WDPCP: variants seen among roughly 807,000 people sequenced by gnomAD.
WDPCP encodes WD repeat containing planar cell polarity effector.
A neutral mutation model predicts 93.1 loss-of-function variants in WDPCP; 71 were observed. That is an observed-to-expected ratio of 0.76 (90% CI 0.63 to 0.93). WDPCP has a LOEUF of 0.93. WDPCP is among the 40% of genes least tolerant of loss of function. The pLI is 0.00. For missense variants in WDPCP, 844 were observed against 887.4 expected (o/e 0.95, Z 0.62); for synonymous variants, 315 against 315.0 (o/e 1.00, Z 0.00).
chr2:63,408,695 T>C (rs1320354178), intron 9 of WDPCP, among the ~76,000 whole-genome samples: 4 of 152,142 alleles, frequency 2.6e-5, no homozygotes, highest in Non-Finnish European at 5.9e-5. Context: ...GAAACAGACT[T>C]GGGACTGTTG....
At chr2:63,776,074 T>TATACATAC (rs59262674) in intron 2 of WDPCP, among the ~76,000 whole-genome samples, 4,272 of 146,882 alleles carry the variant, frequency 0.029, 87 homozygotes, top group Non-Finnish European at 0.043. Context: ...TAAATACACA[T>TATACATAC]ATACATACAT....
intron 1 of WDPCP, among the ~76,000 whole-genome samples, chr2:63,563,108 G>C (rs187819113): frequency 2.0e-5 from 3 of 152,178 alleles, no homozygotes; most frequent in African/African-American, 7.2e-5. Flanking sequence ...ATGACTGAAA[G>C]GATTGCATTT....
chr2:63,238,533 T>C (rs1316466198), intron 14 of WDPCP, among the ~76,000 whole-genome samples: 2 of 152,188 alleles, frequency 1.3e-5, no homozygotes. Context: ...GTATTTCCAA[T>C]GAAAATTTAA....
chr2:63,321,692 A>G (rs1687107261), intron 12 of WDPCP, among the ~76,000 whole-genome samples: 1 of 152,158 alleles, frequency 6.6e-6, no homozygotes, highest in Non-Finnish European at 1.5e-5. Context: ...AATCTGTGGC[A>G]TAATTCTGTC....
chr2:63,717,526 A>T (rs1669356636), intron 2 of WDPCP: 3 of 474,168 alleles, frequency 6.3e-6, no homozygotes, highest in Non-Finnish European at 1.2e-5. Context: ...CAAACTCAGG[A>T]CAGGTTGTCC....
intron 14 of WDPCP, among the ~76,000 whole-genome samples, chr2:63,227,255 C>T (rs1308926762): frequency 6.6e-6 from 1 of 151,868 alleles, no homozygotes; most frequent in Non-Finnish European, 1.5e-5. Context: ...GTAGAAGTTT[C>T]CATTTCATAA....
intron 2 of WDPCP, among the ~76,000 whole-genome samples, chr2:63,678,896 G>A (rs940119465): frequency 3.3e-5 from 5 of 152,262 alleles, no homozygotes; most frequent in East Asian, 1.9e-4. Context: ...GGTGGTGGCC[G>A]GAGCTACCTG....
At chr2:63,381,741 G>T (rs947157263) in intron 11 of WDPCP, among the ~76,000 whole-genome samples, 165 bp downstream of exon 11, 2 of 152,058 alleles carry the variant, frequency 1.3e-5, no homozygotes, top group African/African-American at 2.4e-5. Flanking sequence ...GTACTATATG[G>T]GAGCAATTAT....
chr2:63,758,927 A>G (rs1005138691), intron 2 of WDPCP, among the ~76,000 whole-genome samples: 4 of 151,878 alleles, frequency 2.6e-5, no homozygotes, highest in Non-Finnish European at 1.5e-5. Flanking sequence ...ACAGGTGTGC[A>G]CCACCATGCT....
At position 63,313,266 on chromosome 2, in the gene WDPCP, A is replaced by ACCAACGT; in HGVS notation, c.1787_1793dup (p.Ala599ArgfsTer5). ...GACTCACCATAAAGAGGTCACGAGC[A>ACCAACGT]CCAACGTCAACAGCTAGGAGAAATG... On this transcript the variant is annotated frameshift_variant, in exon 13 of 18. Coordinates refer to ENST00000272321, the MANE Select transcript of WDPCP (RefSeq NM_015910.7). LOFTEE classifies it high-confidence loss of function. 1 of 1,613,812 alleles carries ACCAACGT rather than the reference A, an allele frequency of 6.2e-7. No homozygotes were observed. The highest frequency in any genetic ancestry group is 8.5e-7 in the Non-Finnish European group (1 of 1,179,770).
At chr2:63,197,293 C>T (rs1424520073) in intron 14 of WDPCP, among the ~76,000 whole-genome samples, 1 of 152,020 alleles carries the variant, frequency 6.6e-6, no homozygotes, top group East Asian at 1.9e-4. Flanking sequence ...CTAGCTTACT[C>T]TATTGTAAGA....
intron 13 of WDPCP, among the ~76,000 whole-genome samples, chr2:63,306,946 T>C (rs1202291006): frequency 1.3e-5 from 2 of 152,118 alleles, no homozygotes; most frequent in Admixed American, 1.3e-4. Context: ...GAGAGGAAGT[T>C]AAATTGTCTC....
At chr2:63,467,217 C>A (rs1042479058) in intron 6 of WDPCP, among the ~76,000 whole-genome samples, 5 of 152,202 alleles carry the variant, frequency 3.3e-5, no homozygotes, top group Non-Finnish European at 5.9e-5. Flanking sequence ...CGGTGGCTCA[C>A]ACCTGTAATC....
intron 6 of WDPCP, among the ~76,000 whole-genome samples, chr2:63,482,073 T>C (rs1164803176): frequency 6.6e-6 from 1 of 151,914 alleles, no homozygotes; most frequent in African/African-American, 2.4e-5. Context: ...CAACATCAAC[T>C]AAGCTTTGGT....
chr2:63,565,441 T>C (rs1294007517), intron 1 of WDPCP, among the ~76,000 whole-genome samples: 1 of 151,942 alleles, frequency 6.6e-6, no homozygotes, highest in African/African-American at 2.4e-5. Context: ...CCTTAGAAAA[T>C]TAAAGAAATA....
Position 63,288,640 on chromosome 2 carries a change from A to G in WDPCP, c.1812+24608T>C, listed in dbSNP as rs183428346. On this transcript the variant is annotated intron_variant, in intron 13 of 17. Coordinates refer to ENST00000272321, the MANE Select transcript of WDPCP (RefSeq NM_015910.7). ...AATACCTCAGCGTTTCTTTTCCACAAATTAGGACATTCACTTACATAACCA... is the reference window on the plus strand; with the variant it reads ...AATACCTCAGCGTTTCTTTTCCACAGATTAGGACATTCACTTACATAACCA... Among the ~76,000 whole-genome samples the G allele has an allele frequency of 2.0e-4, 31 of 152,324 alleles. No individual in the cohort carries two copies. The South Asian group carries it at 3.1e-3, about 15-fold the overall frequency.
In WDPCP at chr2:63,749,048, C is replaced by A. The variant is rs76885581; in HGVS notation, n.308+64574G>T. Among the ~76,000 whole-genome samples the A allele has an allele frequency of 3.9e-4, 59 of 152,186 alleles. No individual in the cohort carries two copies. In the East Asian group the frequency reaches 9.8e-3, roughly 25 times the overall value. On this transcript the variant is annotated intron_variant and non_coding_transcript_variant, in intron 2 of 4. Transcript: ENST00000467687. ...TCCAAATTTTCAGCAACTATTTTTA[C>A]CTCCTGTACTCTTTGCTAAAGGTCA... is the stretch of plus-strand genomic sequence containing the variant.
intron 17 of WDPCP, among the ~76,000 whole-genome samples, chr2:63,146,406 G>GTTTT (rs33976806): frequency 7.7e-6 from 1 of 130,420 alleles, no homozygotes; most frequent in African/African-American, 2.9e-5. Flanking sequence ...TTGAGAGCGT[G>GTTTT]TTTTTTTTTT....
chr2:63,199,646 C>T (rs150527905), intron 14 of WDPCP, among the ~76,000 whole-genome samples: 275 of 152,348 alleles, frequency 1.8e-3, no homozygotes, highest in African/African-American at 5.7e-3. Context: ...TGTATGGAAA[C>T]GCCTGGATGT....
Sources: allele counts gnomAD v4.1 joint callset (sites outside exome capture counted in the v4.1 genomes callset), GRCh38; gene constraint gnomAD v4.1.1; transcripts MANE v1.5; gene names NCBI Gene and HGNC (gene_info 2026-07-23, HGNC 2026-07-21).